The following ICA1L variants were observed in gnomAD, a reference collection of about 807,000 sequenced individuals.
The protein encoded by ICA1L is islet cell autoantigen 1 like.
Under a neutral mutation model 61.3 loss-of-function variants are expected in ICA1L, and 50 were observed. The observed-to-expected ratio is 0.82, with a 90% CI of 0.65 to 1.03. ICA1L has a LOEUF of 1.03. Ranked by LOEUF, ICA1L falls within the 50% of genes least tolerant of loss-of-function variation. The probability of loss-of-function intolerance (pLI) is 0.00; values close to 1 mark genes in which losing one functional copy is unlikely to be tolerated. For synonymous variants in ICA1L, 161 were observed against 191.3 expected (o/e 0.84, Z 1.31); for missense variants, 508 against 556.7 (o/e 0.91, Z 0.88).
chr2:202,868,498 T>A (rs2105895100), intron 1 of ICA1L, among the ~76,000 whole-genome samples: 1 of 152,314 alleles, frequency 6.6e-6, no homozygotes. Flanking sequence ...GGGCAGAGAT[T>A]TTCATCTGTT....
chr2:202,812,120 A>G (rs1447423839), intron 8 of ICA1L, among the ~76,000 whole-genome samples: 1 of 152,216 alleles, frequency 6.6e-6, no homozygotes, highest in Non-Finnish European at 1.5e-5. Context: ...TTTTAAGAAC[A>G]CTTGTGAACT....
At position 202,860,967 on chromosome 2, in the gene ICA1L, T is replaced by C. The variant is rs188431955; in HGVS notation, c.-8+10652A>G. 5.3e-3 allele frequency among the ~76,000 whole-genome samples: 803 copies of C among 151,214 alleles called. 4 individuals carry two copies. Among genetic ancestry groups the C allele is most frequent in the African/African-American group, 0.018 (752 of 41,272 alleles). On this transcript the variant is annotated intron_variant, in intron 1 of 12. Coordinates refer to ENST00000358299, the MANE Select transcript of ICA1L (RefSeq NM_001288622.3). Reference sequence around the variant, plus strand: ...ATAGCAGGCCAGAAACAGTGGCCCATGCCTGTAATCCCAGCACTTTGGGAG... The same window carrying C: ...ATAGCAGGCCAGAAACAGTGGCCCACGCCTGTAATCCCAGCACTTTGGGAG...
chr2:202,780,838 A>T (rs1191360331), intron 12 of ICA1L, among the ~76,000 whole-genome samples: 1 of 152,170 alleles, frequency 6.6e-6, no homozygotes, highest in Non-Finnish European at 1.5e-5. Context: ...TGTAACACCT[A>T]CTAATGAGTA....
intron 1 of ICA1L, among the ~76,000 whole-genome samples, chr2:202,856,144 C>T (rs1015152213): frequency 2.0e-5 from 3 of 151,228 alleles, no homozygotes; most frequent in Admixed American, 2.0e-4. Flanking sequence ...ATGAGGCCAG[C>T]ATAATCCTGA....
chr2:202,858,526 G>A (rs1469580768), intron 1 of ICA1L, among the ~76,000 whole-genome samples: 4 of 152,160 alleles, frequency 2.6e-5, no homozygotes, highest in Non-Finnish European at 5.9e-5. Flanking sequence ...TGCATGCAGG[G>A]CTTAAAACCT....
rs774651022 is a variant in ICA1L at position 202,825,481 on chromosome 2, AT to A, written c.235+213del. 6.6e-4 allele frequency: 838 copies of A among 1,276,742 alleles called. 1 individual carries two copies. The highest frequency in any genetic ancestry group is 8.8e-4 in the South Asian group (44 of 50,264). The allele number at this position is 1,276,742 out of a possible 1,614,324, so 79.1% of individuals were successfully genotyped here. A position where few individuals can be genotyped will look rare whatever the true frequency, so the allele number is the denominator to read the frequency against. On this transcript the variant is annotated intron_variant, in intron 3 of 12. Transcript: ENST00000358299. ...AAAGACCCTGTCTCAAAGAAAAAAA[AT>A]ATCAGCAAAAAATAAATCTGGGTCA...
intron 9 of ICA1L, among the ~76,000 whole-genome samples, chr2:202,798,067 G>A (rs949778323): frequency 6.6e-6 from 1 of 152,018 alleles, no homozygotes; most frequent in African/African-American, 2.4e-5. Flanking sequence ...TTTGCATAAT[G>A]TCCTCTGGGT....
intron 9 of ICA1L, among the ~76,000 whole-genome samples, chr2:202,803,308 G>A (rs570985742): frequency 3.6e-4 from 54 of 150,582 alleles, no homozygotes; most frequent in Non-Finnish European, 6.3e-4. Flanking sequence ...GGCCGAAGCA[G>A]GAGAATCTCT....
At chr2:202,838,267 G>A (rs1003822603) in intron 1 of ICA1L, among the ~76,000 whole-genome samples, 7 of 152,056 alleles carry the variant, frequency 4.6e-5, no homozygotes, top group African/African-American at 1.4e-4. Flanking sequence ...TTATTATTTC[G>A]AGTTTCATAC....
At position 202,819,752 on chromosome 2, in the gene ICA1L, T is replaced by A. The variant is rs759339568; in HGVS notation, c.507A>T (p.Val169=). The part of the protein sequence containing the change: ...YRGALLWMKD[V]SQELDPDTLK... ...AGGTGTCTGGGTCCAGCTCTTGGGA[T>A]ACATCTTTCATCCACAGTAGAGCTC... Residue 169 remains valine, a synonymous_variant, in exon 5 of 13, where the codon GTA becomes GTT. Transcript: ENST00000358299. 6.2e-7 allele frequency: 1 copy of A among 1,614,072 alleles called. No homozygotes were observed. Among genetic ancestry groups the A allele is most frequent in the East Asian group, 2.2e-5 (1 of 44,902 alleles).
At chr2:202,809,289 C>T (rs1371260922) in intron 9 of ICA1L, among the ~76,000 whole-genome samples, 1 of 151,590 alleles carries the variant, frequency 6.6e-6, no homozygotes, top group Non-Finnish European at 1.5e-5. Flanking sequence ...GAGTATTGAT[C>T]AAGCAGAAGA....
chr2:202,820,736 C>T (rs1693677773), intron 4 of ICA1L, among the ~76,000 whole-genome samples: 1 of 152,178 alleles, frequency 6.6e-6, no homozygotes, highest in Non-Finnish European at 1.5e-5. Context: ...ACCTCCACGT[C>T]ACTTCCTTCA....
At chr2:202,868,510 G>T (rs1328786521) in intron 1 of ICA1L, among the ~76,000 whole-genome samples, 1 of 152,164 alleles carries the variant, frequency 6.6e-6, no homozygotes, top group Non-Finnish European at 1.5e-5. Flanking sequence ...TCATCTGTTT[G>T]TGAGCAAACA....
At chr2:202,827,750 T>C (rs79683434) in intron 2 of ICA1L, among the ~76,000 whole-genome samples, 2,901 of 152,326 alleles carry the variant, frequency 0.019, 42 homozygotes, top group Middle Eastern at 0.044. Flanking sequence ...ACATTTGTCA[T>C]TGAATCCTAG....
chr2:202,783,060 C>A (rs987879562), intron 12 of ICA1L, among the ~76,000 whole-genome samples: 2 of 152,054 alleles, frequency 1.3e-5, no homozygotes, highest in African/African-American at 4.8e-5. Context: ...TCCAGGAGTC[C>A]ACACTGATAT....
intron 6 of ICA1L, 87 bp downstream of exon 6, chr2:202,817,331 A>C: frequency 7.2e-6 from 9 of 1,251,606 alleles, no homozygotes; most frequent in Admixed American, 2.7e-5. Context: ...ATCATACATA[A>C]ATTTTTACAC....
chr2:202,789,261 T>G (rs1474851531), intron 10 of ICA1L, among the ~76,000 whole-genome samples, 174 bp from the exon 11 acceptor site: 1 of 152,174 alleles, frequency 6.6e-6, no homozygotes, highest in Non-Finnish European at 1.5e-5. Context: ...AGGCAGGATT[T>G]AGGTCAAAAT....
chr2:202,848,626 CCT>C (rs1291501359), intron 1 of ICA1L, among the ~76,000 whole-genome samples: 1 of 152,052 alleles, frequency 6.6e-6, no homozygotes, highest in Non-Finnish European at 1.5e-5. Context: ...TCTGCAGACC[CCT>C]GATCTCAGCC....
intron 12 of ICA1L, among the ~76,000 whole-genome samples, chr2:202,780,248 C>T (rs1317950883): frequency 6.6e-6 from 1 of 152,180 alleles, no homozygotes; most frequent in Admixed American, 6.5e-5. Context: ...CCTAATCCTA[C>T]CACATTAGCA....
Sources: allele counts gnomAD v4.1 joint callset (sites outside exome capture counted in the v4.1 genomes callset), GRCh38; gene constraint gnomAD v4.1.1; transcripts MANE v1.5; gene names NCBI Gene and HGNC (gene_info 2026-07-23, HGNC 2026-07-21).